Variants in SIM2 observed in about 807,000 individuals in gnomAD.
SIM2 encodes the protein single-minded homolog 2.
Under a neutral mutation model 64.8 loss-of-function variants are expected in SIM2, and 28 were observed. That is an observed-to-expected ratio of 0.43 (90% CI 0.32 to 0.59). The LOEUF (loss-of-function observed/expected upper bound fraction) is 0.59, where lower values mean the gene tolerates loss of function less well. SIM2 is among the 20% of genes least tolerant of loss of function. SIM2 has a pLI of 0.07. For missense variants in SIM2, 847 were observed against 871.4 expected (o/e 0.97, Z 0.35); for synonymous variants, 408 against 391.1 (o/e 1.04, Z -0.51).
At chr21:36,718,511 T>C (rs571101322) in intron 3 of SIM2, among the ~76,000 whole-genome samples, 1 of 152,306 alleles carries the variant, frequency 6.6e-6, no homozygotes, top group East Asian at 1.9e-4. Flanking sequence ...GAGCCTCCTT[T>C]TGTTATCTTG....
chr21:36,747,632 T>C lies in SIM2; in HGVS notation c.1577-33T>C. ...GTGGGGTGGCTGCGGCCGCGCCCCT[T>C]GCTGCCCTCTAACGTGTCGCCTGTC... On this transcript the variant is annotated intron_variant, in intron 10 of 10. Coordinates refer to ENST00000290399, the MANE Select transcript of SIM2 (RefSeq NM_005069.6). This position sits in a 1 kb window ranked among gnomAD's most constrained non-coding sequence, Gnocchi z 4.5. 1 of 1,205,796 alleles carries C rather than the reference T, an allele frequency of 8.3e-7. No homozygotes were observed. The highest frequency in any genetic ancestry group is 3.6e-5 in the South Asian group (1 of 27,512). The allele number at this position is 1,205,796 out of a possible 1,614,324, so 74.7% of individuals were successfully genotyped here. A position where few individuals can be genotyped will look rare whatever the true frequency, so the allele number is the denominator to read the frequency against.
At chr21:36,736,933 T>C (rs1198464157) in intron 7 of SIM2, among the ~76,000 whole-genome samples, 3 of 151,924 alleles carry the variant, frequency 2.0e-5, no homozygotes, top group Admixed American at 2.0e-4. Context: ...CTTTCTTCAT[T>C]TTTATTTTTT....
At position 36,719,886 on chromosome 21, in the gene SIM2, T is replaced by A. The variant is rs2088799689; in HGVS notation, c.414T>A (p.Ala138=). 1 of 1,613,314 alleles carries A rather than the reference T, an allele frequency of 6.2e-7. No homozygotes were observed. The highest frequency in any genetic ancestry group is 8.5e-7 in the Non-Finnish European group (1 of 1,179,606). The stretch of plus-strand genomic sequence containing the variant: ...CTTCTGACCACGATGAGATGACCGC[T>A]GTCCTCACGGCCCACCAGCCGCTGC... ...IHPSDHDEMT[A]VLTAHQPLHH... is the part of the protein sequence containing the mutation. The change falls in exon 4 of 11, where the codon GCT becomes GCA. Residue 138 remains alanine, a synonymous_variant. Coordinates refer to ENST00000290399, the MANE Select transcript of SIM2 (RefSeq NM_005069.6).
intron 4 of SIM2, among the ~76,000 whole-genome samples, chr21:36,721,575 G>A (rs938706130): frequency 6.6e-6 from 1 of 152,020 alleles, no homozygotes; most frequent in Non-Finnish European, 1.5e-5. Flanking sequence ...CAAGTAGCTG[G>A]GATTACAGGT....
At chr21:36,731,258 G>T in intron 7 of SIM2, 107 bp downstream of exon 7, 1 of 724,110 alleles carries the variant, frequency 1.4e-6, no homozygotes, top group African/African-American at 1.7e-5. Context: ...AATCATCCAT[G>T]ATACACACTT....
intron 7 of SIM2, among the ~76,000 whole-genome samples, chr21:36,734,198 C>A (rs1055015381): frequency 6.6e-6 from 1 of 152,116 alleles, no homozygotes; most frequent in Admixed American, 6.5e-5. Context: ...AGGATCCCAG[C>A]CCTCCTGAGC....
Position 36,702,400 on chromosome 21 carries a change from C to T in SIM2, c.175+2479C>T, listed in dbSNP as rs182932275. On this transcript the variant is annotated intron_variant, in intron 1 of 10. Coordinates refer to ENST00000290399, the MANE Select transcript of SIM2 (RefSeq NM_005069.6). ...GAAGGGAGCAGTGGCTTAGTCCCTC[C>T]CTCCTCCATTCGTGCAATGCCTGGG... Among the ~76,000 whole-genome samples, 406 of 152,338 alleles carry T rather than the reference C, an allele frequency of 2.7e-3. 1 individual carries two copies. The highest frequency in any genetic ancestry group is 4.2e-3 in the Non-Finnish European group (287 of 68,026).
At chr21:36,701,599 A>G (rs1281812911) in intron 1 of SIM2, 3 of 152,366 alleles carry the variant, frequency 2.0e-5, no homozygotes, top group Non-Finnish European at 4.4e-5. Context: ...GCGGTCCTTC[A>G]GCCCAGGGCA....
rs189915677 is a variant in SIM2 at position 36,712,239 on chromosome 21, C to A, written c.259-294C>A. Among the ~76,000 whole-genome samples, 268 of 152,294 alleles carry A rather than the reference C, an allele frequency of 1.8e-3. 1 individual carries two copies. Among genetic ancestry groups the A allele is most frequent in the Non-Finnish European group, 3.3e-3 (222 of 68,002 alleles). ...ATAACCCCAAACAATAAAGCTACTA[C>A]GTTTAACCTGAGCTTGATAGGAATT... On this transcript the variant is annotated intron_variant, in intron 2 of 10. Transcript: ENST00000290399.
intron 1 of SIM2, among the ~76,000 whole-genome samples, chr21:36,701,103 T>G (rs1469430965): frequency 6.6e-6 from 1 of 152,316 alleles, no homozygotes; most frequent in Admixed American, 6.5e-5. Flanking sequence ...GACTCTTTGC[T>G]GGGAGGCGCG....
At position 36,747,948 on chromosome 21, in the gene SIM2, C is replaced by T. The variant is rs1197123210; in HGVS notation, c.1860C>T (p.Ser620=). 4.0e-6 allele frequency: 4 copies of T among 1,008,016 alleles called. No individual in the cohort carries two copies. The highest frequency in any genetic ancestry group is 4.7e-6 in the Non-Finnish European group (4 of 848,892). 62.4% of individuals were successfully genotyped at this position (1,008,016 alleles called of 1,614,324 possible). The change falls in exon 11 of 11, where the codon TCC becomes TCT. Residue 620 remains serine, a synonymous_variant. Transcript: ENST00000290399. This position sits in a 1 kb window ranked among gnomAD's most constrained non-coding sequence, Gnocchi z 4.5. ...GPLGGAAPAA[S]GLACAPGGPE... is the part of the protein sequence containing the mutation. ...TGGGGGGCGCCGCACCCGCCGCCTC[C>T]GGCCTGGCCTGCGCTCCCGGCGGCC...
chr21:36,719,306 T>G (rs1170428166), intron 3 of SIM2, among the ~76,000 whole-genome samples: 2 of 152,276 alleles, frequency 1.3e-5, no homozygotes, highest in Non-Finnish European at 2.9e-5. Flanking sequence ...TCTGAGTTCA[T>G]GTCCTCCTCG....
At chr21:36,723,243 T>C (rs532791310) in intron 5 of SIM2, 113 bp downstream of exon 5, 28 of 810,562 alleles carry the variant, frequency 3.5e-5, no homozygotes, top group Admixed American at 2.2e-4. Flanking sequence ...TCCCCACTAA[T>C]GTAGAGCTCT....
intron 1 of SIM2, among the ~76,000 whole-genome samples, chr21:36,704,373 T>A (rs904959518): frequency 6.6e-5 from 10 of 152,272 alleles, no homozygotes; most frequent in Non-Finnish European, 1.3e-4. Flanking sequence ...GTCGACTGTT[T>A]AGCAGAACAA....
At chr21:36,734,208 C>G (rs865844691) in intron 7 of SIM2, among the ~76,000 whole-genome samples, 5 of 152,280 alleles carry the variant, frequency 3.3e-5, no homozygotes, top group African/African-American at 4.8e-5. Context: ...CCCTCCTGAG[C>G]TTGCCTGGCT....
At chr21:36,721,833 G>T (rs1455235647) in intron 4 of SIM2, among the ~76,000 whole-genome samples, 1 of 152,180 alleles carries the variant, frequency 6.6e-6, no homozygotes, top group East Asian at 1.9e-4. Flanking sequence ...CCCAAAGAGG[G>T]ATTATAAATG....
Position 36,709,269 on chromosome 21 carries a change from G to C in SIM2, c.258+19G>C. On this transcript the variant is annotated intron_variant, in intron 2 of 10. Transcript: ENST00000290399. ...GCTGCAGGTAGAGCGGCCTCGCCGG[G>C]GGAGGAGCGCAGCCGCCGCAGGCTC... 1 of 1,574,378 alleles carries C rather than the reference G, an allele frequency of 6.4e-7. No individual in the cohort carries two copies.
intron 4 of SIM2, chr21:36,720,171 T>G (rs1191382124): frequency 2.0e-6 from 1 of 502,830 alleles, no homozygotes. Flanking sequence ...GAGTGCTAGG[T>G]AGAGGACAAA....
At chr21:36,719,696 TG>T in intron 3 of SIM2, 124 bp from the exon 4 acceptor site, 1 of 665,116 alleles carries the variant, frequency 1.5e-6, no homozygotes. Context: ...GGCAAAGGTG[TG>T]GGTTGTCAGC....
Sources: gnomAD v4.1 joint callset for allele counts (sites outside exome capture counted in the v4.1 genomes callset) on GRCh38, gnomAD v4.1.1 for gene constraint, Gnocchi (gnomAD v3.1) non-coding constraint, MANE v1.5 for transcripts, NCBI Gene and HGNC (gene_info 2026-07-23, HGNC 2026-07-21) for gene names.